Variants in CSMD1 observed in about 807,000 individuals in gnomAD.
CSMD1 encodes the protein CUB and sushi domain-containing protein 1.
Under a neutral mutation model 417.5 loss-of-function variants are expected in CSMD1, and 213 were observed. The ratio of observed to expected loss-of-function variants is 0.51; its 90% CI spans 0.46 to 0.57. The LOEUF (loss-of-function observed/expected upper bound fraction) is 0.57. Ranked by LOEUF, CSMD1 falls within the 20% of genes least tolerant of loss-of-function variation. The pLI is 0.00. For missense variants in CSMD1, 6,923 were observed against 4,529.7 expected, an observed-to-expected ratio of 1.53 and a Z score of -15.17; for synonymous variants, 2,862 against 1,736.8, an observed-to-expected ratio of 1.65 and a Z score of -16.11.
chr8:3,802,511 C>T (rs1403692123), intron 5 of CSMD1, among the ~76,000 whole-genome samples: 2 of 152,120 alleles, frequency 1.3e-5, no homozygotes, highest in Non-Finnish European at 2.9e-5. Context: ...AGGTCACTTT[C>T]TAAGCTCAGT....
chr8:3,486,014 A>G (rs1818011782), intron 11 of CSMD1, among the ~76,000 whole-genome samples: 1 of 152,054 alleles, frequency 6.6e-6, no homozygotes, highest in Non-Finnish European at 1.5e-5. Flanking sequence ...CTCAGTGACT[A>G]TCGATTCGAG....
chr8:4,517,482 T>C (rs1213666487), intron 2 of CSMD1, among the ~76,000 whole-genome samples: 2 of 152,228 alleles, frequency 1.3e-5, no homozygotes, highest in East Asian at 1.9e-4. Flanking sequence ...ATAGATAATG[T>C]TCCTGGAACA....
chr8:4,277,370 C>G (rs1026514840), intron 3 of CSMD1, among the ~76,000 whole-genome samples: 3 of 152,160 alleles, frequency 2.0e-5, no homozygotes, highest in African/African-American at 4.8e-5. Flanking sequence ...TGCCTCATCT[C>G]TGAATCTGAA....
At chr8:3,608,434 T>C (rs1287550916) in intron 8 of CSMD1, among the ~76,000 whole-genome samples, 1 of 152,020 alleles carries the variant, frequency 6.6e-6, no homozygotes, top group Non-Finnish European at 1.5e-5. Context: ...ATCTTTGAAA[T>C]GTTCTTAAAA....
At chr8:4,218,063 T>C (rs1321765054) in intron 3 of CSMD1, among the ~76,000 whole-genome samples, 1 of 152,226 alleles carries the variant, frequency 6.6e-6, no homozygotes, top group East Asian at 1.9e-4. Flanking sequence ...ATTAACCCAC[T>C]GATGCCTGAG....
intron 5 of CSMD1, among the ~76,000 whole-genome samples, chr8:3,849,425 T>A (rs1162174349): frequency 6.6e-6 from 1 of 152,166 alleles, no homozygotes; most frequent in African/African-American, 2.4e-5. Flanking sequence ...CTTGCTTAAA[T>A]GTCAGAAAGT....
At chr8:3,871,341 T>C (rs185204203) in intron 5 of CSMD1, among the ~76,000 whole-genome samples, 17 of 152,254 alleles carry the variant, frequency 1.1e-4, no homozygotes, top group African/African-American at 3.1e-4. Flanking sequence ...ATAGTTGATA[T>C]TGACAACTAT....
intron 18 of CSMD1, among the ~76,000 whole-genome samples, chr8:3,387,223 A>T (rs1262911726): frequency 6.6e-6 from 1 of 152,314 alleles, no homozygotes; most frequent in African/African-American, 2.4e-5. Context: ...AATAAATACC[A>T]TATGTAAAAC....
At chr8:4,363,135 T>C (rs773933508) in intron 3 of CSMD1, among the ~76,000 whole-genome samples, 5 of 152,174 alleles carry the variant, frequency 3.3e-5, no homozygotes, top group African/African-American at 4.8e-5. Context: ...ACAGAGTAAA[T>C]AATAGGTGAG....
chr8:4,921,570 C>T (rs573621125), intron 1 of CSMD1, among the ~76,000 whole-genome samples: 7 of 152,212 alleles, frequency 4.6e-5, no homozygotes, highest in African/African-American at 1.7e-4. Flanking sequence ...AATTCAGATG[C>T]TTATTAACAT....
In CSMD1 at chr8:3,000,313, G is replaced by C. The variant is rs1189422530; in HGVS notation, c.8030-182C>G. The stretch of plus-strand genomic sequence containing the variant: ...TTCTTTTTTTTATTATTTTTTTTCA[G>C]AAATCCTGGAAAAAATAAGTAATAT... On this transcript the variant is annotated intron_variant, in intron 52 of 69. Transcript: ENST00000635120. Among the ~76,000 whole-genome samples the C allele has an allele frequency of 8.1e-5, 12 of 147,798 alleles. No homozygotes were observed. In the Admixed American group the frequency reaches 8.2e-4, roughly 10 times the overall value.
intron 5 of CSMD1, among the ~76,000 whole-genome samples, chr8:3,789,241 T>A (rs368070131): frequency 6.6e-6 from 1 of 152,088 alleles, no homozygotes; most frequent in Non-Finnish European, 1.5e-5. Flanking sequence ...AGACACAAAA[T>A]ATGCCTTGGT....
chr8:3,839,901 G>C (rs1185184481), intron 5 of CSMD1, among the ~76,000 whole-genome samples: 2 of 151,912 alleles, frequency 1.3e-5, no homozygotes, highest in African/African-American at 4.8e-5. Context: ...TGAGGTAGTA[G>C]GTACCTAGAA....
At chr8:3,335,231 C>G (rs562231048) in intron 23 of CSMD1, among the ~76,000 whole-genome samples, 33 of 152,246 alleles carry the variant, frequency 2.2e-4, no homozygotes, top group Admixed American at 1.8e-3. Context: ...TGCCCATACC[C>G]TCTGCTCTGT....
At position 4,630,213 on chromosome 8, in the gene CSMD1, T is replaced by C. The variant is rs553165173; in HGVS notation, c.302+7129A>G. Among the ~76,000 whole-genome samples the C allele has an allele frequency of 2.2e-4, 33 of 152,162 alleles. No homozygotes were observed. In the South Asian group the frequency reaches 6.6e-3, roughly 31 times the overall value. On this transcript the variant is annotated intron_variant, in intron 2 of 69. Transcript: ENST00000635120. ...TGTTTTCTTATTTTATCACAGAATT[T>C]CTAATTACTAGTCATTTTATCCTTT...
chr8:4,507,032 C>T (rs896501679), intron 2 of CSMD1, among the ~76,000 whole-genome samples: 13 of 152,036 alleles, frequency 8.6e-5, no homozygotes, highest in African/African-American at 2.9e-4. Context: ...TTTCAAAATT[C>T]CTTGCCTTTT....
chr8:4,232,348 G>A (rs185799347), intron 3 of CSMD1, among the ~76,000 whole-genome samples: 9 of 152,180 alleles, frequency 5.9e-5, no homozygotes, highest in Admixed American at 3.9e-4. Context: ...ACAGGCACCC[G>A]CCATTAAGCC....
chr8:4,880,140 G>A (rs577655437), intron 1 of CSMD1, among the ~76,000 whole-genome samples: 5 of 152,142 alleles, frequency 3.3e-5, no homozygotes, highest in African/African-American at 1.2e-4. Flanking sequence ...TCTGCTGGAA[G>A]ATATTGTGAT....
At chr8:4,378,639 G>C (rs11785556) in intron 3 of CSMD1, among the ~76,000 whole-genome samples, 36,742 of 152,060 alleles carry the variant, frequency 0.24, 4,615 homozygotes, top group Middle Eastern at 0.31. Context: ...AAAAAGAATA[G>C]GTGGATAGCA....
Sources: allele counts gnomAD v4.1 joint callset (sites outside exome capture counted in the v4.1 genomes callset), GRCh38; gene constraint gnomAD v4.1.1; transcripts MANE v1.5; gene names NCBI Gene and HGNC (gene_info 2026-07-23, HGNC 2026-07-21).